Variants in GHR observed in about 807,000 individuals in gnomAD.
GHR encodes the protein GH receptor.
GHR carries 35 observed loss-of-function variants against 67.1 expected under a neutral mutation model. The ratio of observed to expected loss-of-function variants is 0.52; its 90% confidence interval spans 0.40 to 0.69. GHR has a LOEUF of 0.69. Among genes scored for constraint, GHR ranks in the 30% least tolerant of loss-of-function variants. GHR has a pLI of 0.00. For missense variants in GHR, 792 were observed against 764.6 expected (o/e 1.04, Z -0.42); for synonymous variants, 272 against 269.1 (o/e 1.01, Z -0.10).
At chr5:42,573,762 G>A (rs543205482) in intron 2 of GHR, among the ~76,000 whole-genome samples, 5 of 152,070 alleles carry the variant, frequency 3.3e-5, no homozygotes, top group Non-Finnish European at 7.4e-5. Context: ...TTTCCAATGA[G>A]AGCACATGAA....
intron 1 of GHR, among the ~76,000 whole-genome samples, chr5:42,480,320 T>G (rs1189287026): frequency 6.6e-6 from 1 of 152,204 alleles, no homozygotes; most frequent in African/African-American, 2.4e-5. Context: ...TGTGGTCAAT[T>G]TTGGAATAGG....
chr5:42,707,384 G>C (rs1456560250), intron 6 of GHR, among the ~76,000 whole-genome samples: 1 of 151,738 alleles, frequency 6.6e-6, no homozygotes, highest in Non-Finnish European at 1.5e-5. Flanking sequence ...TATTAGACAG[G>C]TAATGTGATG....
chr5:42,437,872 A>G (rs937170597), intron 1 of GHR, among the ~76,000 whole-genome samples: 3 of 151,842 alleles, frequency 2.0e-5, no homozygotes, highest in Non-Finnish European at 4.4e-5. Context: ...TCTTCTGAAA[A>G]AAAAAAAAAA....
Position 42,687,427 on chromosome 5 carries a change from A to G in GHR, c.137-1463A>G, listed in dbSNP as rs571471864. ...GCTACCTGACCCAGCTTATTTTTCTACATAGGATCCCCACATCCCTGCTTT... is the reference window on the plus strand; with the variant it reads ...GCTACCTGACCCAGCTTATTTTTCTGCATAGGATCCCCACATCCCTGCTTT... On this transcript the variant is annotated intron_variant, in intron 3 of 9. Coordinates refer to ENST00000230882, the MANE Select transcript of GHR (RefSeq NM_000163.5). Among the ~76,000 whole-genome samples, 53 of 152,374 alleles carry G rather than the reference A, an allele frequency of 3.5e-4. No individual in the cohort carries two copies. In the South Asian group the frequency reaches 3.5e-3, roughly 10 times the overall value.
rs533331387 is a variant in GHR at position 42,620,525 on chromosome 5, G to A, written c.71-8513G>A. On this transcript the variant is annotated intron_variant, in intron 2 of 9. Coordinates refer to ENST00000230882, the MANE Select transcript of GHR (RefSeq NM_000163.5). ...TATTAAAAACAAAATTGGTGTTGTG[G>A]AAGCAAAAAGAATGTAGAGATGGAT... Among the ~76,000 whole-genome samples the A allele has an allele frequency of 1.1e-4, 16 of 152,206 alleles. No individual in the cohort carries two copies. The South Asian group carries it at 1.5e-3, about 14-fold the overall frequency.
In GHR at chr5:42,703,783, A is replaced by G. The variant is rs183068239; in HGVS notation, c.618+3781A>G. On this transcript the variant is annotated intron_variant, in intron 6 of 9. Transcript: ENST00000230882. Reference sequence around the variant, plus strand: ...GTTTAAATTTATTTCTAGGTCTTTTATTTTATTTTTATTTTTATAGATATT... The same window carrying G: ...GTTTAAATTTATTTCTAGGTCTTTTGTTTTATTTTTATTTTTATAGATATT... Among the ~76,000 whole-genome samples, 177 of 151,664 alleles carry G rather than the reference A, an allele frequency of 1.2e-3. 1 individual carries two copies. Among genetic ancestry groups the G allele is most frequent in the African/African-American group, 4.1e-3 (169 of 41,446 alleles).
At chr5:42,699,451 G>A (rs1757827724) in intron 5 of GHR, among the ~76,000 whole-genome samples, 2 of 152,176 alleles carry the variant, frequency 1.3e-5, no homozygotes, top group Non-Finnish European at 2.9e-5. Context: ...TCTAAATTCT[G>A]TAAGTCTTTC....
At chr5:42,506,699 C>A (rs1019044323) in intron 1 of GHR, among the ~76,000 whole-genome samples, 1 of 152,042 alleles carries the variant, frequency 6.6e-6, no homozygotes, top group African/African-American at 2.4e-5. Context: ...TATTTGATGT[C>A]GACATCACTA....
chr5:42,537,787 T>C (rs1457428786), intron 1 of GHR, among the ~76,000 whole-genome samples: 1 of 152,108 alleles, frequency 6.6e-6, no homozygotes, highest in Admixed American at 6.6e-5. Context: ...GTGTTGCTGT[T>C]TCTCTCATTT....
At chr5:42,696,992 A>G (rs1757704551) in intron 5 of GHR, among the ~76,000 whole-genome samples, 1 of 152,198 alleles carries the variant, frequency 6.6e-6, no homozygotes, top group Admixed American at 6.5e-5. Flanking sequence ...GCAATGTGAA[A>G]CGTAGATTGG....
intron 2 of GHR, among the ~76,000 whole-genome samples, chr5:42,574,786 C>T (rs551079580): frequency 1.3e-4 from 20 of 152,060 alleles, no homozygotes; most frequent in East Asian, 5.8e-4. Flanking sequence ...TGGATTTTTG[C>T]GGGTGATTTC....
intron 1 of GHR, among the ~76,000 whole-genome samples, chr5:42,484,735 A>G (rs1745803643): frequency 6.6e-6 from 1 of 152,214 alleles, no homozygotes; most frequent in Non-Finnish European, 1.5e-5. Flanking sequence ...CTTTGAGAAT[A>G]AAAAGCTCAC....
rs143659304 is a variant in GHR, at chr5:42,666,064, C to T, written c.137-22826C>T. ...TGATTTGTATGGGGACACAGCCAAA[C>T]CATATCACCATGACATACAATTTGC... is the stretch of plus-strand genomic sequence containing the variant. On this transcript the variant is annotated intron_variant, in intron 3 of 9. Transcript: ENST00000230882. Among the ~76,000 whole-genome samples, 565 of 152,212 alleles carry T rather than the reference C, an allele frequency of 3.7e-3. 1 individual carries two copies. Among genetic ancestry groups the T allele is most frequent in the African/African-American group, 0.013 (548 of 41,524 alleles).
At chr5:42,651,176 G>A (rs1755002394) in intron 3 of GHR, among the ~76,000 whole-genome samples, 1 of 152,162 alleles carries the variant, frequency 6.6e-6, no homozygotes, top group African/African-American at 2.4e-5. Context: ...CACTGCACAT[G>A]TGTTCCTCTA....
intron 1 of GHR, among the ~76,000 whole-genome samples, chr5:42,512,341 T>C (rs770619954): frequency 6.6e-6 from 1 of 151,632 alleles, no homozygotes; most frequent in South Asian, 2.1e-4. Flanking sequence ...CAGGGAATGG[T>C]GATTCATTAG....
chr5:42,632,319 A>T (rs1249565529), intron 3 of GHR, among the ~76,000 whole-genome samples: 1 of 152,126 alleles, frequency 6.6e-6, no homozygotes, highest in Non-Finnish European at 1.5e-5. Flanking sequence ...TTTCAGTCAA[A>T]ACCTGATACT....
intron 2 of GHR, among the ~76,000 whole-genome samples, chr5:42,586,241 C>T (rs139631577): frequency 6.6e-6 from 1 of 152,106 alleles, no homozygotes; most frequent in Non-Finnish European, 1.5e-5. Context: ...CTATCCCTGA[C>T]TCCTATTTTT....
At chr5:42,569,950 C>T (rs1179291775) in intron 2 of GHR, among the ~76,000 whole-genome samples, 3 of 152,126 alleles carry the variant, frequency 2.0e-5, no homozygotes, top group African/African-American at 7.2e-5. Context: ...ATATTTTGAA[C>T]ATTTTTCATA....
At chr5:42,497,739 C>T (rs997023030) in intron 1 of GHR, among the ~76,000 whole-genome samples, 2 of 152,186 alleles carry the variant, frequency 1.3e-5, no homozygotes, top group Non-Finnish European at 1.5e-5. Context: ...TCGTCAGATA[C>T]ATACAATGCC....
Sources: gnomAD v4.1 joint callset for allele counts (sites outside exome capture counted in the v4.1 genomes callset) on GRCh38, gnomAD v4.1.1 for gene constraint, MANE v1.5 for transcripts, NCBI Gene and HGNC (gene_info 2026-07-23, HGNC 2026-07-21) for gene names.